ZFP82: variants seen among roughly 807,000 people sequenced by gnomAD.
The protein encoded by ZFP82 is zinc finger protein 82 homolog.
ZFP82 carries 30 observed loss-of-function variants against 54.0 expected under a neutral mutation model. The ratio of observed to expected loss-of-function variants is 0.56; its 90% CI spans 0.42 to 0.75. ZFP82 has a LOEUF of 0.75. Among genes scored for constraint, ZFP82 ranks in the 30% least tolerant of loss-of-function variants. The pLI is 0.00. For missense variants in ZFP82, 500 were observed against 636.8 expected (o/e 0.79, Z 2.31); for synonymous variants, 194 against 209.5 (o/e 0.93, Z 0.64).
At chr19:36,402,800 C>T (rs2145589119) in intron 4 of ZFP82, among the ~76,000 whole-genome samples, 2 of 151,988 alleles carry the variant, frequency 1.3e-5, no homozygotes, top group South Asian at 4.2e-4. Flanking sequence ...TCAAGACCAG[C>T]CTCAGCAGCA....
intron 4 of ZFP82, among the ~76,000 whole-genome samples, chr19:36,401,306 A>G (rs1187202028): frequency 6.6e-6 from 1 of 152,210 alleles, no homozygotes; most frequent in African/African-American, 2.4e-5. Flanking sequence ...CCTACGCAAC[A>G]TCTCAAACTG....
At chr19:36,394,301 A>G (rs2032259351) in intron 4 of ZFP82, 191 bp from the exon 5 acceptor site, 1 of 565,188 alleles carries the variant, frequency 1.8e-6, no homozygotes, top group Admixed American at 3.5e-5. Flanking sequence ...AAATAGCAAG[A>G]TTGGTGATGA....
chr19:36,416,511 C>T (rs2145604064), intron 1 of ZFP82, among the ~76,000 whole-genome samples: 1 of 152,210 alleles, frequency 6.6e-6, no homozygotes, highest in East Asian at 1.9e-4. Flanking sequence ...AATCCCAGCA[C>T]TTTGGGAGGC....
intron 4 of ZFP82, among the ~76,000 whole-genome samples, chr19:36,397,495 A>G (rs1175175824): frequency 6.6e-6 from 1 of 152,206 alleles, no homozygotes; most frequent in Non-Finnish European, 1.5e-5. Context: ...AATGAAAATG[A>G]TCATGAATAC....
chr19:36,404,203 C>A (rs996553916), intron 4 of ZFP82, among the ~76,000 whole-genome samples: 1 of 152,176 alleles, frequency 6.6e-6, no homozygotes, highest in African/African-American at 2.4e-5. Flanking sequence ...AAGTCCTAAA[C>A]CCCGACAGAC....
At chr19:36,406,486 G>C (rs2032484023) in intron 3 of ZFP82, among the ~76,000 whole-genome samples, 1 of 152,106 alleles carries the variant, frequency 6.6e-6, no homozygotes, top group Non-Finnish European at 1.5e-5. Flanking sequence ...CATATAAATA[G>C]AATCATATAA....
At chr19:36,387,030 T>C (rs1568480348), downstream of ZFP82, among the ~76,000 whole-genome samples, 8 of 152,234 alleles carry the variant, frequency 5.3e-5, no homozygotes, top group South Asian at 1.7e-3. Context: ...AGAATAGGAA[T>C]GTCTAGGCTA....
intron 1 of ZFP82, among the ~76,000 whole-genome samples, chr19:36,412,035 A>G (rs116068852): frequency 0.017 from 2,627 of 151,928 alleles, 45 homozygotes; most frequent in African/African-American, 0.058. Flanking sequence ...TGTGAGTAGT[A>G]TGATCCTGTT....
intron 4 of ZFP82, among the ~76,000 whole-genome samples, chr19:36,402,369 T>C (rs754734141): frequency 2.0e-4 from 30 of 146,538 alleles, no homozygotes; most frequent in Non-Finnish European, 4.0e-4. Flanking sequence ...CTTGGGAGCC[T>C]GAGGCAAGAG....
intron 3 of ZFP82, among the ~76,000 whole-genome samples, chr19:36,407,074 C>CTTTTT (rs35808591): frequency 1.1e-4 from 11 of 99,750 alleles, no homozygotes; most frequent in Non-Finnish European, 1.4e-4. Flanking sequence ...TTTTAATTTT[C>CTTTTT]TTTTTTTTTT....
At chr19:36,395,821 A>C (rs1470906439) in intron 4 of ZFP82, 3 of 152,346 alleles carry the variant, frequency 2.0e-5, no homozygotes, top group East Asian at 3.9e-4. Context: ...ATCTACCTGA[A>C]AATTCAAAAG....
chr19:36,412,818 T>G (rs1288888770), intron 1 of ZFP82, among the ~76,000 whole-genome samples: 2 of 152,230 alleles, frequency 1.3e-5, no homozygotes, highest in Non-Finnish European at 2.9e-5. Flanking sequence ...TACAATCAGC[T>G]GTCTGCTTCC....
At chr19:36,408,158 C>A (rs2032516519) in intron 2 of ZFP82, 145 bp from the exon 3 acceptor site, 1 of 867,100 alleles carries the variant, frequency 1.2e-6, no homozygotes, top group East Asian at 2.8e-5. Context: ...CACAGCGAGT[C>A]AGGAAATGAG....
At chr19:36,407,358 G>T (rs1315925611) in intron 3 of ZFP82, among the ~76,000 whole-genome samples, 1 of 152,108 alleles carries the variant, frequency 6.6e-6, no homozygotes, top group Non-Finnish European at 1.5e-5. Flanking sequence ...TTACAGGCGT[G>T]AGCCACCGCG....
intron 1 of ZFP82, among the ~76,000 whole-genome samples, 154 bp downstream of exon 1, chr19:36,418,335 CACA>C (rs992277281): frequency 2.0e-5 from 3 of 151,998 alleles, no homozygotes; most frequent in Non-Finnish European, 4.4e-5. Context: ...ACTCCACGGC[CACA>C]ACAACCTTCG....
At chr19:36,404,337 A>G (rs184841051) in intron 4 of ZFP82, among the ~76,000 whole-genome samples, 1 of 152,178 alleles carries the variant, frequency 6.6e-6, no homozygotes, top group Non-Finnish European at 1.5e-5. Context: ...GATTTTCTCA[A>G]AAGTCAGCTA....
At chr19:36,416,964 T>C (rs1384637202) in intron 1 of ZFP82, among the ~76,000 whole-genome samples, 2 of 109,116 alleles carry the variant, frequency 1.8e-5, no homozygotes, top group Non-Finnish European at 4.5e-5. Flanking sequence ...TCCCAGCTAC[T>C]TGGGAGGCTG....
At chr19:36,388,017 A>G (rs978313666), downstream of ZFP82, among the ~76,000 whole-genome samples, 4 of 152,252 alleles carry the variant, frequency 2.6e-5, no homozygotes, top group Non-Finnish European at 5.9e-5. Flanking sequence ...TGTAAAGTCA[A>G]TGAAACTAAG....
chr19:36,418,058 G>A (rs2032703460), intron 1 of ZFP82, among the ~76,000 whole-genome samples: 1 of 152,036 alleles, frequency 6.6e-6, no homozygotes, highest in Non-Finnish European at 1.5e-5. Flanking sequence ...TGGGACCACA[G>A]GAGCACGCCA....
Sources: allele counts gnomAD v4.1 joint callset (sites outside exome capture counted in the v4.1 genomes callset), GRCh38; gene constraint gnomAD v4.1.1; transcripts MANE v1.5; gene names NCBI Gene and HGNC (gene_info 2026-07-23, HGNC 2026-07-21).